SLC4A4: variants seen among roughly 807,000 people sequenced by gnomAD.
SLC4A4 encodes electrogenic sodium bicarbonate cotransporter 1.
A neutral mutation model predicts 111.5 loss-of-function variants in SLC4A4; 27 were observed. That is an observed-to-expected ratio of 0.24 (90% confidence interval 0.18 to 0.33). SLC4A4 has a LOEUF of 0.33. Among genes scored for constraint, SLC4A4 ranks in the 10% least tolerant of loss-of-function variants. The pLI is 1.00. For missense variants in SLC4A4, 909 were observed against 1,315.5 expected (o/e 0.69, Z 4.78); for synonymous variants, 443 against 463.4 (o/e 0.96, Z 0.57).
intron 1 of SLC4A4, among the ~76,000 whole-genome samples, chr4:71,084,113 C>T (rs1742076982): frequency 6.6e-6 from 1 of 151,808 alleles, no homozygotes; most frequent in South Asian, 2.1e-4. Flanking sequence ...TATGGAAGAC[C>T]ATCTCACTCC....
chr4:71,533,471 G>C (rs1187923397), intron 17 of SLC4A4, among the ~76,000 whole-genome samples: 1 of 152,002 alleles, frequency 6.6e-6, no homozygotes, highest in Non-Finnish European at 1.5e-5. Flanking sequence ...TTCTATTTTA[G>C]TTTTTTATTT....
intron 15 of SLC4A4, among the ~76,000 whole-genome samples, chr4:71,494,129 C>T (rs934490412): frequency 6.6e-6 from 1 of 151,996 alleles, no homozygotes; most frequent in Admixed American, 6.6e-5. Flanking sequence ...TGACATCTCT[C>T]CTAGATCTAG....
At chr4:71,263,348 T>A (rs1040724957) in intron 3 of SLC4A4, among the ~76,000 whole-genome samples, 1 of 152,214 alleles carries the variant, frequency 6.6e-6, no homozygotes, top group Admixed American at 6.5e-5. Flanking sequence ...TACTTAGATA[T>A]GTAATGCTTC....
intron 1 of SLC4A4, among the ~76,000 whole-genome samples, chr4:71,209,712 A>T (rs1300714000): frequency 6.6e-6 from 1 of 152,168 alleles, no homozygotes; most frequent in Non-Finnish European, 1.5e-5. Flanking sequence ...TGTGAGAAAT[A>T]CTTCCTGAGT....
At chr4:71,169,190 TA>T (rs1269080448) in intron 2 of SLC4A4, among the ~76,000 whole-genome samples, 16 of 151,008 alleles carry the variant, frequency 1.1e-4, no homozygotes, top group African/African-American at 3.9e-4. Context: ...TTTTTTTTTT[TA>T]ATTTAGTAGG....
intron 6 of SLC4A4, among the ~76,000 whole-genome samples, chr4:71,374,487 G>A (rs1732167231): frequency 1.3e-5 from 2 of 152,084 alleles, no homozygotes; most frequent in South Asian, 4.1e-4. Flanking sequence ...GCAAGAATGA[G>A]TTACAACATT....
intron 2 of SLC4A4, among the ~76,000 whole-genome samples, chr4:71,145,309 G>C (rs1744131490): frequency 6.6e-6 from 1 of 152,168 alleles, no homozygotes; most frequent in Non-Finnish European, 1.5e-5. Context: ...ACTTGATCAT[G>C]GTGGATAAGC....
chr4:71,461,504 A>G (rs1046682774), intron 12 of SLC4A4, among the ~76,000 whole-genome samples: 2 of 152,200 alleles, frequency 1.3e-5, no homozygotes, highest in East Asian at 1.9e-4. Flanking sequence ...CCAAGTTGAC[A>G]GCATAGATTT....
intron 1 of SLC4A4, among the ~76,000 whole-genome samples, chr4:71,080,143 A>T (rs1367190509): frequency 6.6e-6 from 1 of 152,046 alleles, no homozygotes; most frequent in Non-Finnish European, 1.5e-5. Context: ...GGCAGTTGTT[A>T]CCTTGACAGC....
Position 71,226,639 on chromosome 4 carries a change from C to T in SLC4A4, c.-1-9937C>T, listed in dbSNP as rs1380800165. 2.6e-5 allele frequency among the ~76,000 whole-genome samples: 4 copies of T among 152,186 alleles called. No homozygotes were observed. The South Asian group carries it at 8.3e-4, about 32-fold the overall frequency. ...GGAGTATAGCACAGCCATTTTCCCCCCTTTCTTTGGAACAAATCACTATTT... is the reference window on the plus strand; with the variant it reads ...GGAGTATAGCACAGCCATTTTCCCCTCTTTCTTTGGAACAAATCACTATTT... On this transcript the variant is annotated intron_variant, in intron 1 of 25. Transcript: ENST00000264485.
intron 13 of SLC4A4, among the ~76,000 whole-genome samples, chr4:71,468,192 A>G (rs1727553784): frequency 6.6e-6 from 1 of 152,136 alleles, no homozygotes; most frequent in African/African-American, 2.4e-5. Context: ...AACATTGGAA[A>G]GAATTTTATT....
chr4:71,299,348 A>G (rs979186571), intron 3 of SLC4A4, among the ~76,000 whole-genome samples: 2 of 152,228 alleles, frequency 1.3e-5, no homozygotes, highest in Admixed American at 6.5e-5. Flanking sequence ...TATGTAATTG[A>G]AAAGACATTG....
chr4:71,367,012 A>T (rs551532132), intron 6 of SLC4A4, among the ~76,000 whole-genome samples: 7 of 152,304 alleles, frequency 4.6e-5, no homozygotes, highest in African/African-American at 1.2e-4. Context: ...TTCCATTTTC[A>T]TGCCTGTCTT....
chr4:71,379,271 G>A (rs1327656887), intron 6 of SLC4A4, among the ~76,000 whole-genome samples: 1 of 152,078 alleles, frequency 6.6e-6, no homozygotes, highest in Non-Finnish European at 1.5e-5. Flanking sequence ...TCTAGCCTGT[G>A]GAATGCTTTT....
intron 7 of SLC4A4, among the ~76,000 whole-genome samples, chr4:71,420,101 G>C (rs536421130): frequency 2.0e-5 from 3 of 152,170 alleles, no homozygotes; most frequent in Non-Finnish European, 4.4e-5. Context: ...AAATTTAGAC[G>C]AATGTATAAC....
At chr4:71,206,688 T>C (rs1717788722) in intron 1 of SLC4A4, among the ~76,000 whole-genome samples, 2 of 152,144 alleles carry the variant, frequency 1.3e-5, no homozygotes, top group South Asian at 2.1e-4. Context: ...CTCCGAATTA[T>C]AACTGAGGGC....
intron 14 of SLC4A4, among the ~76,000 whole-genome samples, chr4:71,476,839 G>C (rs1270271658): frequency 1.3e-5 from 2 of 151,664 alleles, no homozygotes; most frequent in Non-Finnish European, 3.0e-5. Context: ...TATGTGAGTG[G>C]ATACATGCCA....
At chr4:71,543,469 C>A (rs192190106) in intron 18 of SLC4A4, among the ~76,000 whole-genome samples, 2 of 152,140 alleles carry the variant, frequency 1.3e-5, no homozygotes, top group African/African-American at 4.8e-5. Context: ...TATTTTATCC[C>A]AGAACCTTTG....
intron 24 of SLC4A4, among the ~76,000 whole-genome samples, chr4:71,565,098 C>T (rs868143030): frequency 2.6e-5 from 4 of 151,792 alleles, no homozygotes; most frequent in Middle Eastern, 3.4e-3. Context: ...AATAGGGACT[C>T]AAGGGCCCCA....
Sources: allele counts gnomAD v4.1 joint callset (sites outside exome capture counted in the v4.1 genomes callset), GRCh38; gene constraint gnomAD v4.1.1; transcripts MANE v1.5; gene names NCBI Gene and HGNC (gene_info 2026-07-23, HGNC 2026-07-21).